The following ENOX1 variants were observed in gnomAD, a reference collection of about 807,000 sequenced individuals.
ENOX1 encodes ecto-NOX disulfide-thiol exchanger 1.
In ENOX1, 42 loss-of-function variants were observed where a neutral mutation model predicts 82.5. That is an observed-to-expected ratio of 0.51 (90% CI 0.40 to 0.66). ENOX1 has a LOEUF of 0.66. Ranked by LOEUF, ENOX1 falls within the 30% of genes least tolerant of loss-of-function variation. ENOX1 has a pLI of 0.00. For missense variants in ENOX1, 608 were observed against 811.6 expected (o/e 0.75, Z 3.05); for synonymous variants, 271 against 282.2 (o/e 0.96, Z 0.40).
intron 11 of ENOX1, among the ~76,000 whole-genome samples, chr13:43,314,470 C>T (rs759737083): frequency 9.8e-5 from 15 of 152,300 alleles, no homozygotes; most frequent in East Asian, 7.7e-4. Context: ...TTCAAGTCTT[C>T]GATTAACGAA....
chr13:43,585,113 A>G (rs1234629625), intron 2 of ENOX1, among the ~76,000 whole-genome samples: 1 of 152,232 alleles, frequency 6.6e-6, no homozygotes, highest in Non-Finnish European at 1.5e-5. Context: ...TATGGACTCT[A>G]TGTAATCACA....
chr13:43,463,091 G>A (rs890737495), intron 3 of ENOX1, among the ~76,000 whole-genome samples: 2 of 152,196 alleles, frequency 1.3e-5, no homozygotes, highest in South Asian at 2.1e-4. Flanking sequence ...TTCTTTAAAC[G>A]GTAGTAATCT....
chr13:43,670,235 T>C (rs932996167), intron 1 of ENOX1, among the ~76,000 whole-genome samples: 1 of 152,182 alleles, frequency 6.6e-6, no homozygotes, highest in African/African-American at 2.4e-5. Flanking sequence ...AAACATCTGG[T>C]ACCACTTCCC....
chr13:43,577,201 G>A (rs1002346455), intron 2 of ENOX1, among the ~76,000 whole-genome samples: 5 of 151,790 alleles, frequency 3.3e-5, no homozygotes, highest in East Asian at 3.9e-4. Context: ...GTGCGATGTC[G>A]GCTCACTGCA....
chr13:43,450,434 T>C (rs890970631), intron 3 of ENOX1, among the ~76,000 whole-genome samples: 66 of 152,032 alleles, frequency 4.3e-4, no homozygotes, highest in African/African-American at 1.5e-3. Context: ...ATTGAGAGGA[T>C]AGTTTGTCAC....
In ENOX1 at chr13:43,630,860, T is replaced by TATATACACAC. The variant is rs34023929; in HGVS notation, c.-219+36618_-219+36619insGTGTGTATAT. Among the ~76,000 whole-genome samples the TATATACACAC allele has an allele frequency of 3.6e-3, 534 of 147,780 alleles. 2 individuals carry two copies. The highest frequency in any genetic ancestry group is 6.3e-3 in the South Asian group (29 of 4,636). Reference sequence around the variant, plus strand: ...CCACACACACACATATATATATATATACACACACACACACATATATATACA... The same window carrying TATATACACAC: ...CCACACACACACATATATATATATATATATACACACACACACACACACACATATATATACA... On this transcript the variant is annotated intron_variant, in intron 2 of 16. Coordinates refer to ENST00000690772, the MANE Select transcript of ENOX1 (RefSeq NM_001347969.2).
intron 2 of ENOX1, among the ~76,000 whole-genome samples, chr13:43,657,694 A>G (rs1427584942): frequency 6.6e-6 from 1 of 152,250 alleles, no homozygotes; most frequent in Non-Finnish European, 1.5e-5. Flanking sequence ...CCTGGTAGGC[A>G]AAGCTACAAG....
chr13:43,246,961 A>G (rs1319988105), intron 14 of ENOX1, among the ~76,000 whole-genome samples: 1 of 152,184 alleles, frequency 6.6e-6, no homozygotes, highest in Non-Finnish European at 1.5e-5. Flanking sequence ...AAAATCATTT[A>G]AACAAGTCAG....
intron 2 of ENOX1, among the ~76,000 whole-genome samples, chr13:43,650,470 C>T (rs2084106682): frequency 1.3e-5 from 2 of 152,164 alleles, no homozygotes; most frequent in East Asian, 3.9e-4. Flanking sequence ...GAGTCTGTTG[C>T]CAGTAGGGGG....
chr13:43,627,196 T>C (rs989149474), intron 2 of ENOX1, among the ~76,000 whole-genome samples: 1 of 152,170 alleles, frequency 6.6e-6, no homozygotes, highest in Admixed American at 6.5e-5. Context: ...TTCTTGTAGA[T>C]AGCATACAGT....
At chr13:43,566,890 G>C (rs1466746150) in intron 2 of ENOX1, among the ~76,000 whole-genome samples, 1 of 152,076 alleles carries the variant, frequency 6.6e-6, no homozygotes, top group Non-Finnish European at 1.5e-5. Flanking sequence ...TATTTTCGGA[G>C]TTAGTTTATC....
At position 43,265,445 on chromosome 13, in the gene ENOX1, T is replaced by C; in HGVS notation, c.1564A>G (p.Thr522Ala). The change falls in exon 14 of 17, where the codon ACC becomes GCC. Residue 522 changes from threonine to alanine, a missense_variant. Thr to Ala is a moderately conservative substitution (Grantham distance 58). Transcript: ENST00000690772. ...LKVLQEQLKG[T>A]KELVETNGHS... ...CCATTGGTCTCGACCAATTCCTTGG[T>C]ACCTTTTAACTGCAAATTTTAAGGA... The C allele has an allele frequency of 1.9e-6, 3 of 1,612,300 alleles. No homozygotes were observed. Among genetic ancestry groups the C allele is most frequent in the Non-Finnish European group, 2.5e-6 (3 of 1,179,100 alleles).
At chr13:43,638,950 A>T (rs556290384) in intron 2 of ENOX1, among the ~76,000 whole-genome samples, 86 of 152,336 alleles carry the variant, frequency 5.6e-4, no homozygotes, top group African/African-American at 2.0e-3. Flanking sequence ...TATTAATACA[A>T]TTTTGGGAAT....
At chr13:43,667,841 T>G (rs2085063608) in intron 1 of ENOX1, among the ~76,000 whole-genome samples, 2 of 152,200 alleles carry the variant, frequency 1.3e-5, no homozygotes, top group East Asian at 1.9e-4. Context: ...GTAGCTACAC[T>G]AAAGCCAGTG....
intron 2 of ENOX1, among the ~76,000 whole-genome samples, chr13:43,603,633 C>T (rs1175210483): frequency 2.9e-4 from 41 of 143,558 alleles, no homozygotes; most frequent in African/African-American, 8.8e-4. Flanking sequence ...TGAGAATATG[C>T]GGTGTTTGGT....
At chr13:43,329,622 T>C (rs1327509487) in intron 9 of ENOX1, among the ~76,000 whole-genome samples, 1 of 152,198 alleles carries the variant, frequency 6.6e-6, no homozygotes, top group African/African-American at 2.4e-5. Flanking sequence ...CTCCATTTCT[T>C]GTATTCTTTT....
chr13:43,437,689 T>G (rs993071869), intron 3 of ENOX1, among the ~76,000 whole-genome samples: 1 of 152,154 alleles, frequency 6.6e-6, no homozygotes, highest in Non-Finnish European at 1.5e-5. Flanking sequence ...TGGTTAGGGT[T>G]TATGGCGGAC....
intron 1 of ENOX1, among the ~76,000 whole-genome samples, chr13:43,695,588 C>T (rs907876284): frequency 6.6e-6 from 1 of 151,876 alleles, no homozygotes; most frequent in African/African-American, 2.4e-5. Context: ...GCTGGGACTA[C>T]AGGCATGCAC....
At chr13:43,317,116 G>A (rs1333805425) in intron 11 of ENOX1, among the ~76,000 whole-genome samples, 2 of 152,186 alleles carry the variant, frequency 1.3e-5, no homozygotes, top group African/African-American at 4.8e-5. Context: ...GGGTCTGCTG[G>A]CGCCCGGAGC....
Sources: gnomAD v4.1 joint callset for allele counts (sites outside exome capture counted in the v4.1 genomes callset) on GRCh38, gnomAD v4.1.1 for gene constraint, MANE v1.5 for transcripts, NCBI Gene and HGNC (gene_info 2026-07-23, HGNC 2026-07-21) for gene names.